Variants in KCNQ4 observed in about 807,000 individuals in gnomAD.
KCNQ4 encodes potassium voltage-gated channel subfamily Q member 4.
In KCNQ4, 31 loss-of-function variants were observed where a neutral mutation model predicts 72.6. That is an observed-to-expected ratio of 0.43 (90% confidence interval 0.32 to 0.58). The LOEUF (loss-of-function observed/expected upper bound fraction) is 0.58. Among genes scored for constraint, KCNQ4 ranks in the 20% least tolerant of loss-of-function variants. KCNQ4 has a pLI of 0.08. For missense variants in KCNQ4, 869 were observed against 962.6 expected (o/e 0.90, Z 1.29); for synonymous variants, 405 against 403.7 (o/e 1.00, Z -0.04).
rs1240574346 is a variant in KCNQ4 at position 40,817,524 on chromosome 1, G to A, written c.405+169G>A. Among the ~76,000 whole-genome samples, 3 of 152,122 alleles carry A rather than the reference G, an allele frequency of 2.0e-5. No homozygotes were observed. Among genetic ancestry groups the A allele is most frequent in the Non-Finnish European group, 4.4e-5 (3 of 68,020 alleles). The stretch of plus-strand genomic sequence containing the variant: ...CTGGGCTGGGAGTCCGGGACTGAGG[G>A]GGGCCGTGTGAGGTGGCACCTCTGG... On this transcript the variant is annotated intron_variant, in intron 2 of 13. Coordinates refer to ENST00000347132, the MANE Select transcript of KCNQ4 (RefSeq NM_004700.4). The surrounding 1 kb of genome is among the most constrained non-coding windows in gnomAD (Gnocchi z 5.5).
chr1:40,793,848 C>T (rs1647337192), intron 1 of KCNQ4, among the ~76,000 whole-genome samples: 1 of 152,190 alleles, frequency 6.6e-6, no homozygotes, highest in African/African-American at 2.4e-5. Flanking sequence ...GAAGCACTCC[C>T]TATCCCCATT....
At chr1:40,818,847 G>A in intron 4 of KCNQ4, 167 bp downstream of exon 4, 1 of 732,538 alleles carries the variant, frequency 1.4e-6, no homozygotes, top group Non-Finnish European at 2.3e-6. Flanking sequence ...CGGGTGGGGC[G>A]AAGTGGATTC....
At chr1:40,786,706 G>A (rs1570795983) in intron 1 of KCNQ4, among the ~76,000 whole-genome samples, 1 of 152,146 alleles carries the variant, frequency 6.6e-6, no homozygotes, top group Non-Finnish European at 1.5e-5. Flanking sequence ...TTGTCAAAGC[G>A]GGTAGAAACC....
At position 40,818,617 on chromosome 1, in the gene KCNQ4, G is replaced by A. The variant is rs1473711317; in HGVS notation, c.645G>A (p.Val215=). The change falls in exon 4 of 14, where the codon GTG becomes GTA. Residue 215 remains valine, a synonymous_variant. Coordinates refer to ENST00000347132, the MANE Select transcript of KCNQ4 (RefSeq NM_004700.4). The part of the protein sequence containing the change: ...SMRFLQILRM[V]RMDRRGGTWK... ...GCTTCCTGCAGATCCTGCGCATGGT[G>A]CGCATGGACCGCCGCGGCGGCACCT... 14 of 1,606,936 alleles carry A rather than the reference G, an allele frequency of 8.7e-6. No individual in the cohort carries two copies. Among genetic ancestry groups the A allele is most frequent in the Non-Finnish European group, 1.2e-5 (14 of 1,179,622 alleles).
intron 1 of KCNQ4, among the ~76,000 whole-genome samples, chr1:40,814,744 A>C (rs971597425): frequency 1.3e-5 from 2 of 152,112 alleles, no homozygotes; most frequent in African/African-American, 4.8e-5. Context: ...AAATACAGAT[A>C]AGCAGAAAGC....
intron 5 of KCNQ4, 97 bp downstream of exon 5, chr1:40,819,569 C>A: frequency 6.6e-7 from 1 of 1,515,554 alleles, no homozygotes; most frequent in Non-Finnish European, 9.1e-7. Flanking sequence ...CAGGGTTGAG[C>A]GGGCCTGCCC....
At chr1:40,832,315 A>T (rs987212518) in intron 10 of KCNQ4, among the ~76,000 whole-genome samples, 6 of 152,040 alleles carry the variant, frequency 3.9e-5, no homozygotes, top group Non-Finnish European at 1.5e-5. Context: ...AGCCCTCAAG[A>T]TGCTGCTGGC....
intron 9 of KCNQ4, among the ~76,000 whole-genome samples, chr1:40,829,325 T>G (rs1412050349): frequency 6.6e-6 from 1 of 152,188 alleles, no homozygotes; most frequent in East Asian, 1.9e-4. Flanking sequence ...AACCTCAAAC[T>G]TTGATTGGAA....
At position 40,818,569 on chromosome 1, in the gene KCNQ4, C is replaced by G. The variant is rs1276388153; in HGVS notation, c.597C>G (p.Ala199=). Residue 199 remains alanine (A), a synonymous_variant, in exon 4 of 14, where the codon GCC becomes GCG. Transcript: ENST00000347132. The part of the protein sequence containing the change: ...IAAGTQGNIF[A]TSALRSMRFL... ...CGGGTACCCAGGGCAACATCTTCGC[C>G]ACGTCCGCGCTGCGCAGCATGCGCT... 2 of 1,604,820 alleles carry G rather than the reference C, an allele frequency of 1.2e-6. No individual in the cohort carries two copies. The highest frequency in any genetic ancestry group is 2.7e-5 in the African/African-American group (2 of 75,044).
chr1:40,818,311 CGACCTGACCCCTGACCCCA>C, intron 3 of KCNQ4, 21 bp downstream of exon 3: 1 of 1,613,190 alleles, frequency 6.2e-7, no homozygotes, highest in Non-Finnish European at 8.5e-7. Flanking sequence ...GCGCCCCGCC[CGACCTGACCCCTGACCCCA>C]GGAGCCAGGG....
chr1:40,819,057 C>T, intron 4 of KCNQ4: 1 of 516,362 alleles, frequency 1.9e-6, no homozygotes, highest in Non-Finnish European at 3.6e-6. Context: ...GAAAGTGGGA[C>T]TTGGGGGACG....
At position 40,784,174 on chromosome 1, in the gene KCNQ4, G is replaced by A. The variant is rs1386234507; in HGVS notation, c.81G>A (p.Thr27=). ...DAPRAELVAL[T]AVQSEQGEAG... ...CCCGCGCGGAGCTAGTGGCGCTCACGGCCGTGCAGAGCGAACAGGGCGAGG... is the reference window on the plus strand; with the variant it reads ...CCCGCGCGGAGCTAGTGGCGCTCACAGCCGTGCAGAGCGAACAGGGCGAGG... Residue 27 remains threonine, a synonymous_variant, in exon 1 of 14, where the codon ACG becomes ACA. Coordinates refer to ENST00000347132, the MANE Select transcript of KCNQ4 (RefSeq NM_004700.4). The surrounding 1 kb of genome is among the most constrained non-coding windows in gnomAD (Gnocchi z 4.1). 4.5e-6 allele frequency: 5 copies of A among 1,115,994 alleles called. No homozygotes were observed. The highest frequency in any genetic ancestry group is 1.7e-5 in the African/African-American group (1 of 58,758). The allele number at this position is 1,115,994 out of a possible 1,614,324, so 69.1% of individuals were successfully genotyped here. A position where few individuals can be genotyped will look rare whatever the true frequency, so the allele number is the denominator to read the frequency against.
At position 40,819,863 on chromosome 1, in the gene KCNQ4, T is replaced by C; in HGVS notation, c.835-12T>C. 6.3e-7 allele frequency: 1 copy of C among 1,595,424 alleles called. No homozygotes were observed. The highest frequency in any genetic ancestry group is 8.6e-7 in the Non-Finnish European group (1 of 1,163,028). ...GTGACCAGTCCTGCCTGTAACCTGTTTGTGTCTCCAGATTACATTGACAAC... is the reference window on the plus strand; with the variant it reads ...GTGACCAGTCCTGCCTGTAACCTGTCTGTGTCTCCAGATTACATTGACAAC... On this transcript the variant is annotated splice_polypyrimidine_tract_variant and intron_variant, in intron 5 of 13. Transcript: ENST00000347132.
At chr1:40,818,989 A>T in intron 4 of KCNQ4, 1 of 527,526 alleles carries the variant, frequency 1.9e-6, no homozygotes, top group Non-Finnish European at 3.5e-6. Context: ...TGGGCAGCTG[A>T]GGTGGGACTT....
intron 4 of KCNQ4, 130 bp downstream of exon 4, chr1:40,818,810 G>C: frequency 9.3e-7 from 1 of 1,074,232 alleles, no homozygotes; most frequent in Non-Finnish European, 1.4e-6. Flanking sequence ...GCGGGGGTTG[G>C]AGCCCTAGCA....
chr1:40,817,737 C>T lies in KCNQ4; in HGVS notation c.405+382C>T, dbSNP rs189965146. 6.6e-6 allele frequency among the ~76,000 whole-genome samples: 1 copy of T among 152,218 alleles called. No homozygotes were observed. Among genetic ancestry groups the T allele is most frequent in the Non-Finnish European group, 1.5e-5 (1 of 68,046 alleles). ...CCAGAATAGAAGTGAGTAGGCTCCACCCCTTCTCAGGACAAAATCTGCAAA... is the reference window on the plus strand; with the variant it reads ...CCAGAATAGAAGTGAGTAGGCTCCATCCCTTCTCAGGACAAAATCTGCAAA... On this transcript the variant is annotated intron_variant, in intron 2 of 13. Coordinates refer to ENST00000347132, the MANE Select transcript of KCNQ4 (RefSeq NM_004700.4). The surrounding 1 kb of genome is among the most constrained non-coding windows in gnomAD (Gnocchi z 5.5).
At chr1:40,807,979 G>T (rs1165104887) in intron 1 of KCNQ4, among the ~76,000 whole-genome samples, 1 of 152,184 alleles carries the variant, frequency 6.6e-6, no homozygotes, top group Non-Finnish European at 1.5e-5. Context: ...AATTAGCCAG[G>T]TGTGGTGGTC....
At position 40,784,255 on chromosome 1, in the gene KCNQ4, G is replaced by C; in HGVS notation, c.162G>C (p.Pro54=). ...GCCTCCTGGGCAGCCCCCTGCCGCC[G>C]GGCGCGCCCCTCCCTGGGCCGGGCT... ...RLGLLGSPLP[P]GAPLPGPGSG... The change falls in exon 1 of 14, where the codon CCG becomes CCC. Residue 54 remains proline, a synonymous_variant. Transcript: ENST00000347132. The surrounding 1 kb of genome is among the most constrained non-coding windows in gnomAD (Gnocchi z 4.1). The C allele has an allele frequency of 1.4e-6, 2 of 1,393,438 alleles. No individual in the cohort carries two copies. Among genetic ancestry groups the C allele is most frequent in the Non-Finnish European group, 9.2e-7 (1 of 1,082,140 alleles). The allele number at this position is 1,393,438 out of a possible 1,614,324, so 86.3% of individuals were successfully genotyped here. A position where few individuals can be genotyped will look rare whatever the true frequency, so the allele number is the denominator to read the frequency against.
rs200548682 is a variant in KCNQ4, at chr1:40,790,325, GTTA to G, written c.314+5926_314+5928del. 8.7e-4 allele frequency among the ~76,000 whole-genome samples: 132 copies of G among 152,354 alleles called. 2 individuals are homozygous for G. In the East Asian group the frequency reaches 0.017, roughly 20 times the overall value. ...ACTGTTAGCCATGATCATCGTTACT[GTTA>G]TTATTATGCTGTTATCACTGTCCTC... On this transcript the variant is annotated intron_variant, in intron 1 of 13. Coordinates refer to ENST00000347132, the MANE Select transcript of KCNQ4 (RefSeq NM_004700.4).
Sources: allele counts gnomAD v4.1 joint callset (sites outside exome capture counted in the v4.1 genomes callset), GRCh38; gene constraint gnomAD v4.1.1; non-coding constraint Gnocchi (gnomAD v3.1); transcripts MANE v1.5; gene names NCBI Gene and HGNC (gene_info 2026-07-23, HGNC 2026-07-21).